Variants in RAB33B observed in about 807,000 individuals in gnomAD.
RAB33B encodes the protein ras-related protein Rab-33B.
RAB33B carries 6 observed loss-of-function variants against 15.0 expected under a neutral mutation model. That is an observed-to-expected ratio of 0.40 (90% CI 0.22 to 0.79). The LOEUF (loss-of-function observed/expected upper bound fraction) is 0.79, where lower values mean the gene tolerates loss of function less well. RAB33B is among the 30% of genes least tolerant of loss of function. The pLI is 0.37. For synonymous variants in RAB33B, 117 were observed against 108.3 expected, an observed-to-expected ratio of 1.08 and a Z score of -0.50; for missense variants, 257 against 296.4, an observed-to-expected ratio of 0.87 and a Z score of 0.98.
chr4:139,448,410 C>T (rs989000943), upstream of RAB33B: 2 of 152,158 alleles, frequency 1.3e-5, no homozygotes, highest in East Asian at 1.9e-4. Flanking sequence ...CATATATACA[C>T]TTGTACTAAG....
intron 1 of RAB33B, among the ~76,000 whole-genome samples, chr4:139,463,292 C>T (rs1750208534): frequency 6.6e-6 from 1 of 152,200 alleles, no homozygotes; most frequent in Non-Finnish European, 1.5e-5. Context: ...TGCCACCACA[C>T]CTGGCTAATT....
At chr4:139,448,919 TGTGA>T (rs200000394), upstream of RAB33B, 4,174 of 152,114 alleles carry the variant, frequency 0.027, 73 homozygotes, top group Non-Finnish European at 0.044. Flanking sequence ...TGAATCTGGT[TGTGA>T]GTGTGTGTGA....
chr4:139,452,458 T>C (rs2111063890), upstream of RAB33B: 1 of 152,290 alleles, frequency 6.6e-6, no homozygotes, highest in East Asian at 1.9e-4. Flanking sequence ...CAGCTCTGAG[T>C]TTTCAACTGC....
the RAB33B span, among the ~76,000 whole-genome samples, chr4:139,438,834 T>G: frequency 6.6e-6 from 1 of 152,244 alleles, no homozygotes; most frequent in African/African-American, 2.4e-5. Flanking sequence ...TTACCTTTAC[T>G]TATCTTTATT....
chr4:139,460,821 T>C (rs1750157373), intron 1 of RAB33B, among the ~76,000 whole-genome samples: 1 of 152,190 alleles, frequency 6.6e-6, no homozygotes, highest in Non-Finnish European at 1.5e-5. Flanking sequence ...GTGTAAGTAA[T>C]ATACATTTTC....
chr4:139,472,362 A>G (rs1043824945), intron 1 of RAB33B, among the ~76,000 whole-genome samples: 11 of 152,222 alleles, frequency 7.2e-5, no homozygotes, highest in Non-Finnish European at 1.5e-5. Context: ...AATGCTTAAC[A>G]TGTTAACACC....
At chr4:139,441,857 T>C in the RAB33B span, among the ~76,000 whole-genome samples, 1 of 152,234 alleles carries the variant, frequency 6.6e-6, no homozygotes, top group Non-Finnish European at 1.5e-5. Flanking sequence ...AGATTTCTGG[T>C]GCTTCCTATT....
At chr4:139,469,462 A>C (rs145422529) in intron 1 of RAB33B, among the ~76,000 whole-genome samples, 1 of 152,162 alleles carries the variant, frequency 6.6e-6, no homozygotes, top group East Asian at 1.9e-4. Flanking sequence ...TCTCTTCTGA[A>C]AGGTCACATA....
intron 1 of RAB33B, among the ~76,000 whole-genome samples, chr4:139,461,809 G>A (rs749990539): frequency 6.6e-6 from 1 of 151,398 alleles, no homozygotes; most frequent in South Asian, 2.1e-4. Flanking sequence ...GGTGGCTCAC[G>A]CCTGTCATCG....
In RAB33B at chr4:139,476,580, G is replaced by A. The variant is rs946160203; in HGVS notation, c.*3454G>A. 16 of 152,306 alleles carry A rather than the reference G, an allele frequency of 1.1e-4. No homozygotes were observed. Among genetic ancestry groups the A allele is most frequent in the African/African-American group, 3.4e-4 (14 of 41,562 alleles). The allele number at this position is 152,306 out of a possible 1,614,324, so 9.4% of individuals were successfully genotyped here. ...AACATTTATCAAGTATGGGTCATGT[G>A]TTCTCTATTTGTGTTAGTGGAGCTA... On this transcript the variant is annotated 3_prime_UTR_variant, in exon 2 of 2. Transcript: ENST00000305626.
In RAB33B at chr4:139,475,616, TTAC is replaced by T. The variant is rs1750486993; in HGVS notation, c.*2493_*2495del. ...AAAATGATAGCTATCTAACAACTAA[TTAC>T]TAATTTTTAAAGAACAAATCACACA... On this transcript the variant is annotated 3_prime_UTR_variant, in exon 2 of 2. Transcript: ENST00000305626. 6.6e-6 allele frequency: 1 copy of T among 152,058 alleles called. No individual in the cohort carries two copies. The highest frequency in any genetic ancestry group is 6.6e-5 in the Admixed American group (1 of 15,260). The allele number at this position is 152,058 out of a possible 1,614,324, so 9.4% of individuals were successfully genotyped here.
chr4:139,441,357 G>A, the RAB33B span, among the ~76,000 whole-genome samples: 1 of 152,160 alleles, frequency 6.6e-6, no homozygotes, highest in Non-Finnish European at 1.5e-5. Flanking sequence ...ATATAGGGAG[G>A]AACAGAGAAC....
chr4:139,447,823 C>T, the RAB33B span, among the ~76,000 whole-genome samples: 14,608 of 151,702 alleles, frequency 0.096, 837 homozygotes, highest in Admixed American at 0.15. Context: ...CCCGCCACTA[C>T]GCCCGGCTAA....
chr4:139,453,875 C>A, upstream of RAB33B: 1 of 225,166 alleles, frequency 4.4e-6, no homozygotes, highest in Non-Finnish European at 8.5e-6. Context: ...GGCCCAGCCT[C>A]TCTGCAGGCT....
At chr4:139,462,155 G>A (rs1034489172) in intron 1 of RAB33B, among the ~76,000 whole-genome samples, 3 of 148,648 alleles carry the variant, frequency 2.0e-5, no homozygotes, top group Non-Finnish European at 3.0e-5. Flanking sequence ...CCGGGTTCAC[G>A]CCATTCTCCT....
At chr4:139,442,831 C>G in the RAB33B span, among the ~76,000 whole-genome samples, 1 of 151,862 alleles carries the variant, frequency 6.6e-6, no homozygotes, top group African/African-American at 2.4e-5. Flanking sequence ...CTAGAGAAAC[C>G]TAATACAGAT....
At position 139,473,257 on chromosome 4, in the gene RAB33B, CTTTTGTA is replaced by C. The variant is rs1750427532; in HGVS notation, c.*140_*146del. 14 of 873,962 alleles carry C rather than the reference CTTTTGTA, an allele frequency of 1.6e-5. No individual in the cohort carries two copies. In the East Asian group the frequency reaches 3.5e-4, roughly 22 times the overall value. 54.1% of individuals were successfully genotyped at this position (873,962 alleles called of 1,614,324 possible). On this transcript the variant is annotated 3_prime_UTR_variant, in exon 2 of 2. Coordinates refer to ENST00000305626, the MANE Select transcript of RAB33B (RefSeq NM_031296.3). Reference sequence around the variant, plus strand: ...CACTTTGCTGTTTGTCATTGTCACGCTTTTGTATTTTGTATCTACTTAAGTTTGTCAC... The same window carrying C: ...CACTTTGCTGTTTGTCATTGTCACGCTTTTGTATCTACTTAAGTTTGTCAC...
At chr4:139,453,898 T>G, upstream of RAB33B, 1 of 258,808 alleles carries the variant, frequency 3.9e-6, no homozygotes, top group Non-Finnish European at 7.2e-6. Flanking sequence ...CCTTCCGCGC[T>G]GCCGTGAAGC....
At chr4:139,446,854 A>G in the RAB33B span, among the ~76,000 whole-genome samples, 770 of 152,332 alleles carry the variant, frequency 5.1e-3, 11 homozygotes, top group African/African-American at 0.018. Context: ...ATTTGCCAGC[A>G]GCAGAGACCA....
Sources: allele counts gnomAD v4.1 joint callset (sites outside exome capture counted in the v4.1 genomes callset), GRCh38; gene constraint gnomAD v4.1.1; transcripts MANE v1.5; gene names NCBI Gene and HGNC (gene_info 2026-07-23, HGNC 2026-07-21).